Variants in TMIGD3 observed in about 807,000 individuals in gnomAD.
TMIGD3 encodes the protein transmembrane and immunoglobulin domain containing 3, also known as AD026 protein (AD026).
TMIGD3 carries 21 observed loss-of-function variants against 28.1 expected under a neutral mutation model. That is an observed-to-expected ratio of 0.75 (90% CI 0.53 to 1.08). TMIGD3 has a LOEUF of 1.08. Ranked by LOEUF, TMIGD3 falls within the 50% of genes least tolerant of loss-of-function variation. The pLI is 0.00. For synonymous variants in TMIGD3, 151 were observed against 162.1 expected, an observed-to-expected ratio of 0.93 and a Z score of 0.52; for missense variants, 416 against 435.6, an observed-to-expected ratio of 0.96 and a Z score of 0.40.
upstream of TMIGD3, among the ~76,000 whole-genome samples, chr1:111,506,079 T>C (rs184264296): frequency 6.7e-3 from 1,022 of 151,912 alleles, 12 homozygotes; most frequent in African/African-American, 0.024. Flanking sequence ...CCTCCAAGAC[T>C]GTTACCCAAC....
chr1:111,563,755 A>G, intron 1 of TMIGD3: 1 of 881,706 alleles, frequency 1.1e-6, no homozygotes, highest in Admixed American at 1.8e-5. Context: ...AGCTTGCCCC[A>G]TATCATGAAT....
intron 1 of TMIGD3, among the ~76,000 whole-genome samples, chr1:111,543,494 T>A (rs1473248981): frequency 6.6e-6 from 1 of 152,178 alleles, no homozygotes; most frequent in Non-Finnish European, 1.5e-5. Context: ...AAACTCCCAA[T>A]GGAGAGTATT....
intron 1 of TMIGD3, among the ~76,000 whole-genome samples, chr1:111,516,286 C>A (rs1268303028): frequency 6.6e-6 from 1 of 152,204 alleles, no homozygotes; most frequent in East Asian, 1.9e-4. Context: ...AATAGCACCC[C>A]CTCCAGGTCA....
chr1:111,493,378 ACCTC>A (rs1475861759), intron 1 of TMIGD3, among the ~76,000 whole-genome samples: 1 of 151,078 alleles, frequency 6.6e-6, no homozygotes, highest in Admixed American at 6.6e-5. Flanking sequence ...AGAGTCTGGC[ACCTC>A]CCCCCACCCT....
intron 1 of TMIGD3, among the ~76,000 whole-genome samples, chr1:111,545,244 A>G (rs1656993433): frequency 6.6e-6 from 1 of 152,104 alleles, no homozygotes; most frequent in South Asian, 2.1e-4. Flanking sequence ...CCCACCGGCA[A>G]TGTATGAGGA....
chr1:111,522,115 C>T (rs2101004422), intron 1 of TMIGD3, among the ~76,000 whole-genome samples: 1 of 152,282 alleles, frequency 6.6e-6, no homozygotes. Context: ...TTACATCAAT[C>T]TATTTGTCTA....
chr1:111,508,268 A>T (rs1469837273), upstream of TMIGD3, among the ~76,000 whole-genome samples: 1 of 152,254 alleles, frequency 6.6e-6, no homozygotes, highest in Non-Finnish European at 1.5e-5. Context: ...ACTGAACTCA[A>T]GGCACTCAGA....
At chr1:111,531,298 C>A (rs1282107200) in intron 1 of TMIGD3, among the ~76,000 whole-genome samples, 1 of 151,438 alleles carries the variant, frequency 6.6e-6, no homozygotes, top group African/African-American at 2.4e-5. Context: ...AAAAAAAAAA[C>A]CCAAAACATT....
chr1:111,549,396 C>A (rs1657168106), intron 1 of TMIGD3, among the ~76,000 whole-genome samples: 1 of 149,658 alleles, frequency 6.7e-6, no homozygotes, highest in African/African-American at 2.5e-5. Flanking sequence ...CGCTTGTAAT[C>A]CCAGCACTTC....
At chr1:111,512,033 G>C (rs1163148866) in intron 1 of TMIGD3, among the ~76,000 whole-genome samples, 2 of 152,174 alleles carry the variant, frequency 1.3e-5, no homozygotes, top group Non-Finnish European at 2.9e-5. Context: ...AGGTTTCTTT[G>C]CTAGCAAGCC....
At chr1:111,559,075 T>TA (rs1243835281) in intron 1 of TMIGD3, among the ~76,000 whole-genome samples, 1 of 152,136 alleles carries the variant, frequency 6.6e-6, no homozygotes, top group Non-Finnish European at 1.5e-5. Flanking sequence ...AGATAATTTT[T>TA]AAAAAACATG....
chr1:111,510,611 C>A (rs544751204), intron 1 of TMIGD3, among the ~76,000 whole-genome samples: 10 of 152,178 alleles, frequency 6.6e-5, no homozygotes, highest in African/African-American at 2.4e-4. Context: ...TTCTAGGATG[C>A]CTTTGTGCCC....
At chr1:111,521,410 G>A (rs541860365) in intron 1 of TMIGD3, among the ~76,000 whole-genome samples, 6 of 152,114 alleles carry the variant, frequency 3.9e-5, no homozygotes, top group Non-Finnish European at 8.8e-5. Context: ...GAGAGTTCCA[G>A]TTTCTCCACA....
chr1:111,518,785 C>T (rs865835238), intron 1 of TMIGD3, among the ~76,000 whole-genome samples: 1 of 152,204 alleles, frequency 6.6e-6, no homozygotes, highest in Admixed American at 6.5e-5. Flanking sequence ...TTCTGATTCT[C>T]CTATGCCAAT....
Position 111,551,108 on chromosome 1 carries a change from T to C in TMIGD3, c.107+12738A>G, listed in dbSNP as rs1171435264. 5.9e-5 allele frequency among the ~76,000 whole-genome samples: 9 copies of C among 152,214 alleles called. No homozygotes were observed. The East Asian group carries it at 1.7e-3, about 29-fold the overall frequency. ...TACTTATCTTTTCTCATTCTTTTAC[T>C]TTCAACCTGTTTGTGTCTTTAAATC... On this transcript the variant is annotated intron_variant, in intron 1 of 5. Transcript: ENST00000369717.
chr1:111,555,690 T>C (rs1419607942), intron 1 of TMIGD3, among the ~76,000 whole-genome samples: 1 of 152,126 alleles, frequency 6.6e-6, no homozygotes, highest in Non-Finnish European at 1.5e-5. Context: ...CAACAAATGG[T>C]GTTGGGAAAA....
intron 1 of TMIGD3, among the ~76,000 whole-genome samples, chr1:111,551,090 C>A (rs866379433): frequency 2.6e-5 from 4 of 152,258 alleles, no homozygotes; most frequent in South Asian, 2.1e-4. Flanking sequence ...AAATACTTAT[C>A]TTTTCTCATT....
At chr1:111,530,144 G>A (rs940982657) in intron 1 of TMIGD3, among the ~76,000 whole-genome samples, 4 of 152,294 alleles carry the variant, frequency 2.6e-5, no homozygotes, top group African/African-American at 9.6e-5. Flanking sequence ...CGGCTCATTA[G>A]CTATAACTCT....
At chr1:111,497,224 C>A (rs563043031) in intron 1 of TMIGD3, among the ~76,000 whole-genome samples, 2 of 152,306 alleles carry the variant, frequency 1.3e-5, no homozygotes, top group East Asian at 3.9e-4. Flanking sequence ...CATTCTCCTG[C>A]CTCAGCCTCC....
Sources: allele counts gnomAD v4.1 joint callset (sites outside exome capture counted in the v4.1 genomes callset), GRCh38; gene constraint gnomAD v4.1.1; transcripts MANE v1.5; gene names NCBI Gene and HGNC (gene_info 2026-07-23, HGNC 2026-07-21).